The following HSPA4 variants were observed in gnomAD, a reference collection of about 807,000 sequenced individuals.
HSPA4 encodes heat shock protein family A (Hsp70) member 4.
In HSPA4, 25 loss-of-function variants were observed where a neutral mutation model predicts 106.2. The observed-to-expected ratio is 0.24, with a 90% CI of 0.17 to 0.33. HSPA4 has a LOEUF of 0.33. HSPA4 is among the 10% of genes least tolerant of loss of function. HSPA4 has a pLI of 1.00. For missense variants in HSPA4, 841 were observed against 996.0 expected, an observed-to-expected ratio of 0.84 and a Z score of 2.10; for synonymous variants, 332 against 333.6, an observed-to-expected ratio of 1.00 and a Z score of 0.05.
intron 17 of HSPA4, 78 bp from the exon 18 acceptor site, chr5:133,103,787 T>C: frequency 8.6e-7 from 1 of 1,169,162 alleles, no homozygotes. Context: ...TTTTGAAAAA[T>C]GGCAGAAACT....
intron 1 of HSPA4, among the ~76,000 whole-genome samples, chr5:133,056,467 C>T (rs371367977): frequency 2.0e-5 from 3 of 152,128 alleles, no homozygotes; most frequent in East Asian, 1.9e-4. Context: ...GACGTGGTTT[C>T]GCCATGTTGG....
intron 16 of HSPA4, among the ~76,000 whole-genome samples, chr5:133,101,108 G>A (rs1043629859): frequency 6.6e-6 from 1 of 152,176 alleles, no homozygotes; most frequent in African/African-American, 2.4e-5. Context: ...ACCTGACCAA[G>A]CACATCTTAA....
chr5:133,079,376 A>G (rs187168586), intron 7 of HSPA4, among the ~76,000 whole-genome samples: 12 of 152,332 alleles, frequency 7.9e-5, no homozygotes, highest in African/African-American at 2.6e-4. Context: ...GATATTTCAT[A>G]TAAGTGTAAT....
intron 16 of HSPA4, chr5:133,101,540 C>T: frequency 2.4e-6 from 1 of 423,908 alleles, no homozygotes; most frequent in Non-Finnish European, 4.2e-6. Flanking sequence ...GTTTTGAGGG[C>T]TCAGGTGACA....
At chr5:133,073,127 C>T in intron 4 of HSPA4, 103 bp from the exon 5 acceptor site, 1 of 665,916 alleles carries the variant, frequency 1.5e-6, no homozygotes, top group Non-Finnish European at 2.6e-6. Flanking sequence ...TTTTCTTGAT[C>T]ATATACAGAA....
intron 11 of HSPA4, among the ~76,000 whole-genome samples, chr5:133,090,743 C>A (rs1561584466): frequency 6.6e-6 from 1 of 152,046 alleles, no homozygotes; most frequent in Admixed American, 6.6e-5. Flanking sequence ...TCATACTTTG[C>A]AGAGTTCTGG....
intron 14 of HSPA4, among the ~76,000 whole-genome samples, 188 bp downstream of exon 14, chr5:133,096,438 G>C: frequency 6.6e-6 from 1 of 152,178 alleles, no homozygotes; most frequent in East Asian, 1.9e-4. Flanking sequence ...TTCTTTTATG[G>C]TGGTACTAAG....
At chr5:133,076,423 A>C (rs1765446557) in intron 6 of HSPA4, among the ~76,000 whole-genome samples, 2 of 152,214 alleles carry the variant, frequency 1.3e-5, no homozygotes, top group Non-Finnish European at 2.9e-5. Context: ...TGTGAACTGC[A>C]GTTTATCTCA....
intron 1 of HSPA4, among the ~76,000 whole-genome samples, chr5:133,058,249 A>G (rs531688929): frequency 2.0e-5 from 3 of 152,124 alleles, no homozygotes; most frequent in Admixed American, 6.6e-5. Context: ...AAACATTAGC[A>G]GGCTGTGGTG....
In HSPA4 at chr5:133,099,558, T is replaced by G. The variant is rs760184577; in HGVS notation, c.1943T>G (p.Phe648Cys). ...CTTTATCATTAGGATCGTAACAGTT[T>G]TACTTTGAAACTGGAAGATACTGAA... ...KFVSEDDRNS[F>C]TLKLEDTENW... is the part of the protein sequence containing the mutation. The change falls in exon 16 of 19, where the codon TTT (phenylalanine) becomes TGT (cysteine). Residue 648 changes from phenylalanine to cysteine, a missense_variant. Phe to Cys is a radical substitution (Grantham distance 205). Around this residue, in one of 5 missense-constraint regions of HSPA4, gnomAD observed 328 missense variants for 372.2 expected, o/e 0.88. Transcript: ENST00000304858. The G allele has an allele frequency of 6.3e-7, 1 of 1,583,212 alleles. No homozygotes were observed. The highest frequency in any genetic ancestry group is 2.2e-5 in the East Asian group (1 of 44,640).
intron 11 of HSPA4, among the ~76,000 whole-genome samples, chr5:133,090,881 C>T (rs1394266591): frequency 6.6e-6 from 1 of 151,206 alleles, no homozygotes; most frequent in African/African-American, 2.4e-5. Flanking sequence ...GAGAATGTGA[C>T]AAATCTGTTT....
intron 4 of HSPA4, among the ~76,000 whole-genome samples, chr5:133,072,382 G>A (rs979764117): frequency 2.1e-5 from 3 of 142,892 alleles, no homozygotes; most frequent in East Asian, 4.0e-4. Flanking sequence ...GCCTAGCCTG[G>A]TCCAGGGTTG....
At position 133,104,722 on chromosome 5, in the gene HSPA4, A is replaced by G. The variant is rs998988097; in HGVS notation, c.*286A>G. On this transcript the variant is annotated 3_prime_UTR_variant, in exon 19 of 19. Transcript: ENST00000304858. ...TATGTTTAACCATGTGTCTACAAGAATAAGTTTGTTTTGGAAAGTTGAGCT... is the reference window on the plus strand; with the variant it reads ...TATGTTTAACCATGTGTCTACAAGAGTAAGTTTGTTTTGGAAAGTTGAGCT... The G allele has an allele frequency of 1.6e-5, 5 of 313,224 alleles. No homozygotes were observed. The highest frequency in any genetic ancestry group is 8.8e-5 in the African/African-American group (4 of 45,684). The allele number at this position is 313,224 out of a possible 1,614,324, so 19.4% of individuals were successfully genotyped here.
intron 2 of HSPA4, among the ~76,000 whole-genome samples, chr5:133,065,277 C>G (rs746225865): frequency 2.6e-5 from 4 of 152,060 alleles, no homozygotes; most frequent in African/African-American, 4.8e-5. Context: ...AACACTGGAA[C>G]AATAAAAAAT....
In HSPA4 at chr5:133,104,881, CTT is replaced by C. The variant is rs1268695879; in HGVS notation, c.*447_*448del. 1 of 176,102 alleles carries C rather than the reference CTT, an allele frequency of 5.7e-6. No individual in the cohort carries two copies. Among genetic ancestry groups the C allele is most frequent in the Non-Finnish European group, 1.2e-5 (1 of 82,546 alleles). The allele number at this position is 176,102 out of a possible 1,614,324, so 10.9% of individuals were successfully genotyped here. On this transcript the variant is annotated 3_prime_UTR_variant, in exon 19 of 19. Transcript: ENST00000304858. ...CCTGGTGTGGGGATGGGGTCCCCCT[CTT>C]TGTGAGGGCTGGAGCATGGCACGGC...
At chr5:133,055,946 C>T (rs113528867) in intron 1 of HSPA4, among the ~76,000 whole-genome samples, 3,454 of 152,100 alleles carry the variant, frequency 0.023, 130 homozygotes, top group African/African-American at 0.075. Context: ...GGTGTGGTGG[C>T]GGGCGCCTGT....
intron 7 of HSPA4, among the ~76,000 whole-genome samples, chr5:133,082,735 A>G (rs551615155): frequency 1.3e-5 from 2 of 152,298 alleles, no homozygotes; most frequent in East Asian, 3.9e-4. Context: ...TCCTAGGATT[A>G]CAGGTGTGAG....
chr5:133,062,013 G>T (rs112977810), intron 1 of HSPA4, among the ~76,000 whole-genome samples: 1 of 152,122 alleles, frequency 6.6e-6, no homozygotes, highest in Non-Finnish European at 1.5e-5. Context: ...TAGAGAATAC[G>T]TGAAGGTACT....
At position 133,099,540 on chromosome 5, in the gene HSPA4, A is replaced by G. The variant is rs1218906714; in HGVS notation, c.1930-5A>G. The G allele has an allele frequency of 1.3e-6, 2 of 1,481,718 alleles. No homozygotes were observed. Among genetic ancestry groups the G allele is most frequent in the East Asian group, 2.3e-5 (1 of 44,102 alleles). 91.8% of individuals were successfully genotyped at this position (1,481,718 alleles called of 1,614,324 possible). On this transcript the variant is annotated splice_region_variant and splice_polypyrimidine_tract_variant and intron_variant, in intron 15 of 18. Transcript: ENST00000304858. ...ACCTAATTATAATATTTTCTTTATC[A>G]TTAGGATCGTAACAGTTTTACTTTG...
Sources: gnomAD v4.1 joint callset for allele counts (sites outside exome capture counted in the v4.1 genomes callset) on GRCh38, gnomAD v4.1.1 for gene constraint, gnomAD v4.1.1 regional missense constraint, MANE v1.5 for transcripts, NCBI Gene and HGNC (gene_info 2026-07-23, HGNC 2026-07-21) for gene names.